Variants in MCPH1 observed in about 807,000 individuals in gnomAD.
MCPH1 encodes microcephalin.
A neutral mutation model predicts 84.5 loss-of-function variants in MCPH1; 104 were observed. The observed-to-expected ratio is 1.23, with a 90% confidence interval of 1.05 to 1.45. The LOEUF is 1.45. MCPH1 is among the 40% of genes most tolerant of loss of function. MCPH1 has a pLI of 0.00. For synonymous variants in MCPH1, 514 were observed against 366.8 expected, an observed-to-expected ratio of 1.40 and a Z score of -4.58; for missense variants, 1,498 against 1,005.7, an observed-to-expected ratio of 1.49 and a Z score of -6.62.
intron 12 of MCPH1, among the ~76,000 whole-genome samples, chr8:6,539,643 G>A (rs1821168607): frequency 1.3e-5 from 2 of 152,160 alleles, no homozygotes; most frequent in Non-Finnish European, 2.9e-5. Flanking sequence ...CTGGAGTGCA[G>A]CGGCGTGATC....
chr8:6,530,093 T>C (rs1819179168), intron 12 of MCPH1, among the ~76,000 whole-genome samples: 1 of 152,194 alleles, frequency 6.6e-6, no homozygotes, highest in South Asian at 2.1e-4. Flanking sequence ...AGTTTAAAAA[T>C]GCTTATGAGA....
chr8:6,451,155 A>G (rs1248241095), intron 8 of MCPH1, among the ~76,000 whole-genome samples: 1 of 151,808 alleles, frequency 6.6e-6, no homozygotes, highest in Non-Finnish European at 1.5e-5. Context: ...TGTATTAAGA[A>G]CCCCCTTTCC....
chr8:6,476,443 A>AAG (rs1554503570), intron 9 of MCPH1, among the ~76,000 whole-genome samples: 11 of 152,064 alleles, frequency 7.2e-5, no homozygotes, highest in Middle Eastern at 3.4e-3. Flanking sequence ...AAAAAAAAAA[A>AAG]AAGAAGAAGA....
Position 6,646,156 on chromosome 8 carries a change from G to C in MCPH1, c.*3107G>C, listed in dbSNP as rs1246488483. ...TTACAAAGTATCAGCCAGGTGCCGT[G>C]GCTCACATCTGTAATACCAGCTCTC... On this transcript the variant is annotated 3_prime_UTR_variant, in exon 14 of 14. Transcript: ENST00000344683. The C allele has an allele frequency of 6.6e-6, 1 of 152,188 alleles. No homozygotes were observed. The highest frequency in any genetic ancestry group is 2.4e-5 in the African/African-American group (1 of 41,452). The allele number at this position is 152,188 out of a possible 1,614,324, so 9.4% of individuals were successfully genotyped here.
At chr8:6,563,708 C>T (rs1825878758) in intron 12 of MCPH1, among the ~76,000 whole-genome samples, 1 of 152,156 alleles carries the variant, frequency 6.6e-6, no homozygotes, top group Non-Finnish European at 1.5e-5. Flanking sequence ...TAAACGTGTG[C>T]CTTTTCAGAG....
At chr8:6,451,757 A>G (rs758607708) in intron 8 of MCPH1, among the ~76,000 whole-genome samples, 12 of 152,160 alleles carry the variant, frequency 7.9e-5, no homozygotes, top group Non-Finnish European at 1.6e-4. Context: ...TGCATACTAC[A>G]TTGTAAAATA....
chr8:6,561,947 C>T (rs577575275), intron 12 of MCPH1, among the ~76,000 whole-genome samples: 1 of 152,282 alleles, frequency 6.6e-6, no homozygotes, highest in African/African-American at 2.4e-5. Context: ...TGAACATAAC[C>T]GTCCCACGTG....
rs186288478 is a variant in MCPH1 at position 6,553,776 on chromosome 8, C to A, written c.2214+53847C>A. ...GCAGTTTCCCCATCCCCTTTTGGGACTTCTTGAGCAGAAAAGCGAATGTCA... is the reference window on the plus strand; with the variant it reads ...GCAGTTTCCCCATCCCCTTTTGGGAATTCTTGAGCAGAAAAGCGAATGTCA... On this transcript the variant is annotated intron_variant, in intron 12 of 13. Coordinates refer to ENST00000344683, the MANE Select transcript of MCPH1 (RefSeq NM_024596.5). Among the ~76,000 whole-genome samples the A allele has an allele frequency of 9.2e-5, 14 of 152,046 alleles. No individual in the cohort carries two copies. In the East Asian group the frequency reaches 2.7e-3, roughly 30 times the overall value.
intron 12 of MCPH1, among the ~76,000 whole-genome samples, chr8:6,576,727 T>TA (rs1563148373): frequency 4.6e-5 from 5 of 108,348 alleles, no homozygotes; most frequent in Non-Finnish European, 7.2e-5. Flanking sequence ...TTTTTTTTTT[T>TA]AGTAGAGATG....
At chr8:6,473,837 A>C in intron 9 of MCPH1, 1 of 1,389,844 alleles carries the variant, frequency 7.2e-7, no homozygotes, top group Non-Finnish European at 9.6e-7. Flanking sequence ...AGCTAGCCTT[A>C]TAAGTCAAGA....
chr8:6,609,017 G>T (rs1350818654), intron 12 of MCPH1, among the ~76,000 whole-genome samples: 1 of 152,102 alleles, frequency 6.6e-6, no homozygotes, highest in Non-Finnish European at 1.5e-5. Context: ...AGTTGCTGGG[G>T]GTGGCCCTGC....
intron 11 of MCPH1, among the ~76,000 whole-genome samples, chr8:6,496,489 G>C (rs1161554228): frequency 6.6e-6 from 1 of 152,132 alleles, no homozygotes; most frequent in African/African-American, 2.4e-5. Context: ...TGTATGCAAA[G>C]AATATTGTTG....
At chr8:6,536,888 C>A (rs147769049) in intron 12 of MCPH1, among the ~76,000 whole-genome samples, 1 of 150,900 alleles carries the variant, frequency 6.6e-6, no homozygotes, top group African/African-American at 2.4e-5. Flanking sequence ...CTTATTTTTA[C>A]TGGCTGTGAC....
chr8:6,418,670 A>G (rs1174138520), intron 3 of MCPH1, among the ~76,000 whole-genome samples: 1 of 151,360 alleles, frequency 6.6e-6, no homozygotes, highest in Non-Finnish European at 1.5e-5. Context: ...GCAACCTCCT[A>G]CTCCCTGGTT....
rs1476710450 is a variant in MCPH1 at position 6,643,496 on chromosome 8, CTCAGGTGATCTG to C, written c.*453_*464del. On this transcript the variant is annotated 3_prime_UTR_variant, in exon 14 of 14. Transcript: ENST00000344683. ...GCCAGGCTGGTCTCAAACGCCTGAG[CTCAGGTGATCTG>C]TCAGGCCTCTTCTATAGAATTCCAG... is the stretch of plus-strand genomic sequence containing the variant. 2 of 217,078 alleles carry C rather than the reference CTCAGGTGATCTG, an allele frequency of 9.2e-6. No individual in the cohort carries two copies. The highest frequency in any genetic ancestry group is 1.9e-5 in the Non-Finnish European group (2 of 107,460). The allele number at this position is 217,078 out of a possible 1,614,324, so 13.4% of individuals were successfully genotyped here.
At chr8:6,558,252 C>G (rs1824970053) in intron 12 of MCPH1, among the ~76,000 whole-genome samples, 1 of 152,202 alleles carries the variant, frequency 6.6e-6, no homozygotes, top group African/African-American at 2.4e-5. Context: ...GAGTGCTAAT[C>G]TCCAAGAAAG....
At chr8:6,474,358 G>T in intron 9 of MCPH1, 1 of 396,114 alleles carries the variant, frequency 2.5e-6, no homozygotes, top group South Asian at 2.7e-5. Flanking sequence ...CACCAAGTCA[G>T]AACAAAGTGA....
At chr8:6,431,736 A>G in intron 4 of MCPH1, 150 bp downstream of exon 4, 1 of 609,970 alleles carries the variant, frequency 1.6e-6, no homozygotes, top group Non-Finnish European at 2.9e-6. Context: ...TAGCATTTTT[A>G]AGTGAATTAC....
chr8:6,527,899 A>ATTTTTTTTTTTTTTTTTTTTTTTT (rs71213313), intron 12 of MCPH1, among the ~76,000 whole-genome samples: 1 of 133,120 alleles, frequency 7.5e-6, no homozygotes, highest in Non-Finnish European at 1.6e-5. Context: ...CCACGTCTCT[A>ATTTTTTTTTTTTTTTTTTTTTTTT]TTTTTTTTTT....
Sources: gnomAD v4.1 joint callset for allele counts (sites outside exome capture counted in the v4.1 genomes callset) on GRCh38, gnomAD v4.1.1 for gene constraint, MANE v1.5 for transcripts, NCBI Gene and HGNC (gene_info 2026-07-23, HGNC 2026-07-21) for gene names.